FER: variants seen among roughly 807,000 people sequenced by gnomAD.
FER encodes the protein FER tyrosine kinase, also known as tyrosine-protein kinase Fer.
In FER, 63 loss-of-function variants were observed where a neutral mutation model predicts 111.0. The ratio of observed to expected loss-of-function variants is 0.57; its 90% CI spans 0.46 to 0.70. The LOEUF (loss-of-function observed/expected upper bound fraction) is 0.70. Ranked by LOEUF, FER falls within the 30% of genes least tolerant of loss-of-function variation. The pLI is 0.00. For synonymous variants in FER, 327 were observed against 313.9 expected (o/e 1.04, Z -0.44); for missense variants, 914 against 954.0 (o/e 0.96, Z 0.55).
chr5:108,955,105 G>A (rs575849902), intron 12 of FER, among the ~76,000 whole-genome samples, 173 bp downstream of exon 12: 1 of 151,754 alleles, frequency 6.6e-6, no homozygotes, highest in East Asian at 1.9e-4. Context: ...ATTTAAATAT[G>A]TTTAAGGAAA....
chr5:109,013,268 C>T (rs1434135199), intron 13 of FER, among the ~76,000 whole-genome samples: 1 of 133,238 alleles, frequency 7.5e-6, no homozygotes, highest in African/African-American at 2.8e-5. Context: ...TGTGATGTAC[C>T]CCTTCCTGTG....
At chr5:109,060,037 A>G (rs1329203231) in intron 16 of FER, among the ~76,000 whole-genome samples, 1 of 152,198 alleles carries the variant, frequency 6.6e-6, no homozygotes, top group Non-Finnish European at 1.5e-5. Context: ...ACATGGATGA[A>G]CCTCAAAAAC....
intron 13 of FER, among the ~76,000 whole-genome samples, chr5:109,003,665 C>T (rs1337536490): frequency 1.3e-5 from 2 of 151,552 alleles, no homozygotes; most frequent in African/African-American, 4.8e-5. Context: ...CCCAAGCATT[C>T]AAAAATTTAA....
chr5:108,753,675 T>C (rs956437695), intron 1 of FER, among the ~76,000 whole-genome samples: 3 of 152,350 alleles, frequency 2.0e-5, no homozygotes, highest in Admixed American at 1.3e-4. Flanking sequence ...TAGTTGTGTC[T>C]TTTCCACCTC....
chr5:109,122,308 C>T (rs1751083229), intron 17 of FER, among the ~76,000 whole-genome samples: 1 of 151,930 alleles, frequency 6.6e-6, no homozygotes, highest in Non-Finnish European at 1.5e-5. Flanking sequence ...TAATTTCCTT[C>T]TTAATTTCTT....
chr5:108,871,682 G>C (rs115254139), intron 7 of FER, among the ~76,000 whole-genome samples, 180 bp downstream of exon 7: 1 of 151,778 alleles, frequency 6.6e-6, no homozygotes, highest in South Asian at 2.1e-4. Flanking sequence ...ACTATATAAT[G>C]TATAGTTTTT....
chr5:109,159,869 G>T (rs1363407269), intron 17 of FER, among the ~76,000 whole-genome samples: 1 of 152,090 alleles, frequency 6.6e-6, no homozygotes, highest in Admixed American at 6.6e-5. Context: ...AATCTACTAA[G>T]CAGATGATCT....
intron 8 of FER, among the ~76,000 whole-genome samples, chr5:108,882,702 T>G (rs890934505): frequency 6.6e-6 from 1 of 151,850 alleles, no homozygotes; most frequent in Admixed American, 6.6e-5. Flanking sequence ...GTCTTTTGGG[T>G]TTCATGTCTT....
At chr5:108,921,908 G>T (rs572590257) in intron 10 of FER, among the ~76,000 whole-genome samples, 62 of 152,294 alleles carry the variant, frequency 4.1e-4, no homozygotes, top group African/African-American at 1.4e-3. Flanking sequence ...TCTTTAAGTT[G>T]TAATACTAAA....
intron 16 of FER, among the ~76,000 whole-genome samples, chr5:109,049,042 T>C (rs1161151745): frequency 6.6e-6 from 1 of 152,228 alleles, no homozygotes; most frequent in Non-Finnish European, 1.5e-5. Flanking sequence ...TGAATATCCT[T>C]GGACTCACTG....
chr5:108,913,944 T>A (rs1398932289), intron 10 of FER, among the ~76,000 whole-genome samples: 1 of 152,158 alleles, frequency 6.6e-6, no homozygotes, highest in East Asian at 1.9e-4. Context: ...CAAAAAAATG[T>A]AAAAGTAATC....
chr5:108,770,080 C>G (rs1288939468), intron 2 of FER, among the ~76,000 whole-genome samples: 1 of 152,152 alleles, frequency 6.6e-6, no homozygotes, highest in Non-Finnish European at 1.5e-5. Flanking sequence ...TCCCAAGTAG[C>G]TGGGATTACA....
intron 13 of FER, chr5:109,014,936 A>G (rs1766852063): frequency 6.6e-6 from 1 of 152,166 alleles, no homozygotes; most frequent in Admixed American, 6.6e-5. Flanking sequence ...TGCTGAAGCG[A>G]GCACTATGTT....
intron 13 of FER, among the ~76,000 whole-genome samples, chr5:109,001,403 T>C (rs200403752): frequency 0.046 from 7,082 of 152,308 alleles, 264 homozygotes; most frequent in South Asian, 0.11. Flanking sequence ...TCTCAATAGA[T>C]GCAGAAAAGG....
Position 108,914,229 on chromosome 5 carries a change from C to CTG in FER, c.1236+16382_1236+16383insGT, listed in dbSNP as rs773376087. Among the ~76,000 whole-genome samples, 878 of 137,888 alleles carry CTG rather than the reference C, an allele frequency of 6.4e-3. 3 individuals carry two copies. The highest frequency in any genetic ancestry group is 7.9e-3 in the Non-Finnish European group (509 of 64,158). The allele number at this position is 137,888 out of a possible 152,430, so 90.5% of individuals were successfully genotyped here. A position where few individuals can be genotyped will look rare whatever the true frequency, so the allele number is the denominator to read the frequency against. ...AAATGAAAGCATGCTTAACTTGTCT[C>CTG]TCTGTGTGTGTGTGTGTGTGTGTGT... On this transcript the variant is annotated intron_variant, in intron 10 of 19. Transcript: ENST00000281092.
At position 109,194,946 on chromosome 5, in the gene FER, A is replaced by T. The variant is rs1339828915; in HGVS notation, c.*7371A>T. The T allele has an allele frequency of 6.6e-6, 1 of 152,218 alleles. No homozygotes were observed. Among genetic ancestry groups the T allele is most frequent in the Non-Finnish European group, 1.5e-5 (1 of 68,062 alleles). The allele number at this position is 152,218 out of a possible 1,614,324, so 9.4% of individuals were successfully genotyped here. A position where few individuals can be genotyped will look rare whatever the true frequency, so the allele number is the denominator to read the frequency against. On this transcript the variant is annotated 3_prime_UTR_variant, in exon 20 of 20. Coordinates refer to ENST00000281092, the MANE Select transcript of FER (RefSeq NM_005246.4). ...GTTCAGACCTCTAACCTGGATTCAG[A>T]GCCTTAGAGGCCGAGAGGGAATCTG...
At chr5:108,924,360 C>CAAAAAAAAAAAAAAAAAAA (rs59469649) in intron 10 of FER, among the ~76,000 whole-genome samples, 1 of 99,068 alleles carries the variant, frequency 1.0e-5, no homozygotes, top group African/African-American at 3.7e-5. Context: ...AACTCTGTCT[C>CAAAAAAAAAAAAAAAAAAA]AAAAAAAAAA....
At chr5:108,912,488 A>C (rs1204845838) in intron 10 of FER, among the ~76,000 whole-genome samples, 2 of 152,116 alleles carry the variant, frequency 1.3e-5, no homozygotes, top group Non-Finnish European at 1.5e-5. Flanking sequence ...CAGCCTCTCA[A>C]GTAGCTGGGA....
At chr5:109,096,487 C>G (rs1474454607) in intron 16 of FER, among the ~76,000 whole-genome samples, 1 of 151,896 alleles carries the variant, frequency 6.6e-6, no homozygotes, top group African/African-American at 2.4e-5. Flanking sequence ...AGTATCTTCA[C>G]TCTTTTCTGC....
Sources: gnomAD v4.1 joint callset for allele counts (sites outside exome capture counted in the v4.1 genomes callset) on GRCh38, gnomAD v4.1.1 for gene constraint, MANE v1.5 for transcripts, NCBI Gene and HGNC (gene_info 2026-07-23, HGNC 2026-07-21) for gene names.